Variants in LHFPL3 observed in about 807,000 individuals in gnomAD.
LHFPL3 encodes the protein LHFPL tetraspan subfamily member 3 protein.
A neutral mutation model predicts 19.3 loss-of-function variants in LHFPL3; 5 were observed. The ratio of observed to expected loss-of-function variants is 0.26; its 90% confidence interval spans 0.14 to 0.54. The LOEUF (loss-of-function observed/expected upper bound fraction) is 0.54. LHFPL3 is among the 20% of genes least tolerant of loss of function. The pLI, the probability that LHFPL3 is intolerant of heterozygous loss-of-function variation, is 0.94. For missense variants in LHFPL3, 249 were observed against 307.4 expected (o/e 0.81, Z 1.42); for synonymous variants, 133 against 126.2 (o/e 1.05, Z -0.36).
At chr7:104,660,627 G>T (rs1010801847) in intron 1 of LHFPL3, among the ~76,000 whole-genome samples, 6 of 152,154 alleles carry the variant, frequency 3.9e-5, no homozygotes, top group Non-Finnish European at 8.8e-5. Flanking sequence ...ACCTTCTACT[G>T]TGTATAGAGG....
In LHFPL3 at chr7:104,574,776, C is replaced by G. The variant is rs556213725; in HGVS notation, c.446-161899C>G. 2.8e-4 allele frequency among the ~76,000 whole-genome samples: 42 copies of G among 152,008 alleles called. 1 individual carries two copies. In the South Asian group the frequency reaches 8.8e-3, roughly 32 times the overall value. On this transcript the variant is annotated intron_variant, in intron 1 of 2. Coordinates refer to ENST00000424859, the MANE Select transcript of LHFPL3 (RefSeq NM_199000.3). Reference sequence around the variant, plus strand: ...GTATTTGCTTATTTGAGATTTTTCCCCAGTCCCATACACCCTTAGGGTTTT... The same window carrying G: ...GTATTTGCTTATTTGAGATTTTTCCGCAGTCCCATACACCCTTAGGGTTTT...
chr7:104,752,729 T>C (rs1794199041), intron 2 of LHFPL3: 1 of 395,558 alleles, frequency 2.5e-6, no homozygotes, highest in Non-Finnish European at 4.5e-6. Flanking sequence ...AGGCTGACTG[T>C]AGACGTACTC....
rs571597409 is a variant in LHFPL3 at position 104,697,198 on chromosome 7, T to G, written c.446-39477T>G. On this transcript the variant is annotated intron_variant, in intron 1 of 2. Coordinates refer to ENST00000424859, the MANE Select transcript of LHFPL3 (RefSeq NM_199000.3). ...GACCACATCTCTTAATACTATCACA[T>G]TGGGGGTTAAGATTCCAATATATGA... Among the ~76,000 whole-genome samples, 149 of 152,242 alleles carry G rather than the reference T, an allele frequency of 9.8e-4. 3 individuals carry two copies. The South Asian group carries it at 0.03, about 30-fold the overall frequency.
intron 2 of LHFPL3, among the ~76,000 whole-genome samples, chr7:104,856,220 T>C (rs890371974): frequency 1.3e-5 from 2 of 150,376 alleles, no homozygotes; most frequent in African/African-American, 4.9e-5. Flanking sequence ...TGCCCAGATC[T>C]CCTGATTCTG....
intron 2 of LHFPL3, among the ~76,000 whole-genome samples, chr7:104,742,697 C>A (rs931192616): frequency 8.5e-5 from 13 of 152,158 alleles, no homozygotes; most frequent in African/African-American, 2.9e-4. Context: ...ATCTGAGGGT[C>A]TTTCTAGCTA....
intron 1 of LHFPL3, among the ~76,000 whole-genome samples, chr7:104,385,894 A>G (rs1790931727): frequency 7.2e-6 from 1 of 139,592 alleles, no homozygotes; most frequent in African/African-American, 2.6e-5. Context: ...TGGTGGAGAA[A>G]GGGCCTCCAA....
chr7:104,501,242 C>A (rs998569426), intron 1 of LHFPL3, among the ~76,000 whole-genome samples: 2 of 152,170 alleles, frequency 1.3e-5, no homozygotes, highest in African/African-American at 4.8e-5. Flanking sequence ...AGACTCTTTA[C>A]AATGTAATAA....
chr7:104,419,497 A>T (rs535198124), intron 1 of LHFPL3, among the ~76,000 whole-genome samples: 1 of 152,354 alleles, frequency 6.6e-6, no homozygotes, highest in South Asian at 2.1e-4. Flanking sequence ...GAAGGAAATG[A>T]AAGGGAAAAA....
At chr7:104,771,083 T>C (rs1303615150) in intron 2 of LHFPL3, among the ~76,000 whole-genome samples, 1 of 152,156 alleles carries the variant, frequency 6.6e-6, no homozygotes, top group Non-Finnish European at 1.5e-5. Context: ...ACCTCTGTAA[T>C]GAGCCCTTCC....
chr7:104,564,672 T>C (rs956812453), intron 1 of LHFPL3, among the ~76,000 whole-genome samples: 4 of 152,184 alleles, frequency 2.6e-5, no homozygotes, highest in Non-Finnish European at 4.4e-5. Context: ...ACTGAGGCAG[T>C]TGGATGTGAG....
intron 1 of LHFPL3, among the ~76,000 whole-genome samples, chr7:104,481,253 T>A (rs1048425841): frequency 6.6e-6 from 1 of 152,188 alleles, no homozygotes; most frequent in Non-Finnish European, 1.5e-5. Flanking sequence ...GCCTCCGGTC[T>A]CACTCCCGAA....
chr7:104,733,192 T>C (rs1472420869), intron 1 of LHFPL3, among the ~76,000 whole-genome samples: 6 of 152,236 alleles, frequency 3.9e-5, no homozygotes, highest in Non-Finnish European at 7.3e-5. Context: ...GAGAAAAATG[T>C]ATATGCTGTT....
chr7:104,878,719 G>C lies in LHFPL3; in HGVS notation c.683-27468G>C, dbSNP rs1349184336. ...CTAGAAATGACTAAGTTTAGTGAAGGCATGCCGAAAGCTGAGACAGGATAA... is the reference window on the plus strand; with the variant it reads ...CTAGAAATGACTAAGTTTAGTGAAGCCATGCCGAAAGCTGAGACAGGATAA... On this transcript the variant is annotated intron_variant, in intron 2 of 2. Transcript: ENST00000424859. Among the ~76,000 whole-genome samples the C allele has an allele frequency of 5.3e-5, 8 of 152,272 alleles. No homozygotes were observed. The South Asian group carries it at 1.5e-3, about 28-fold the overall frequency.
At chr7:104,446,539 A>G (rs967459413) in intron 1 of LHFPL3, among the ~76,000 whole-genome samples, 2 of 151,832 alleles carry the variant, frequency 1.3e-5, no homozygotes, top group African/African-American at 4.8e-5. Context: ...TGTTTCATAG[A>G]TTTTCTAGTT....
chr7:104,856,218 T>C (rs186240947), intron 2 of LHFPL3, among the ~76,000 whole-genome samples: 177 of 149,988 alleles, frequency 1.2e-3, no homozygotes, highest in African/African-American at 4.0e-3. Context: ...TCTGCCCAGA[T>C]CTCCTGATTC....
chr7:104,430,479 TTTTTTTTG>T (rs1562895430), intron 1 of LHFPL3, among the ~76,000 whole-genome samples: 1 of 58,622 alleles, frequency 1.7e-5, no homozygotes, highest in Non-Finnish European at 3.2e-5. Flanking sequence ...TTTTTTTTTT[TTTTTTTTG>T]AGGCGGAGTC....
intron 1 of LHFPL3, among the ~76,000 whole-genome samples, chr7:104,686,389 C>T (rs184787823): frequency 2.6e-5 from 4 of 152,292 alleles, no homozygotes; most frequent in South Asian, 4.2e-4. Flanking sequence ...TGCATGATTT[C>T]CACACATCAA....
intron 2 of LHFPL3, among the ~76,000 whole-genome samples, chr7:104,828,716 G>C (rs1163526872): frequency 1.3e-5 from 2 of 152,052 alleles, no homozygotes; most frequent in South Asian, 2.1e-4. Context: ...GGCGTAAGTG[G>C]GAAGGTAAGA....
intron 2 of LHFPL3, among the ~76,000 whole-genome samples, chr7:104,902,250 C>T (rs191241489): frequency 5.1e-4 from 77 of 152,030 alleles, no homozygotes; most frequent in Middle Eastern, 6.8e-3. Context: ...GGCATGGTAA[C>T]GCGTGCCTGT....
Sources: gnomAD v4.1 joint callset for allele counts (sites outside exome capture counted in the v4.1 genomes callset) on GRCh38, gnomAD v4.1.1 for gene constraint, MANE v1.5 for transcripts, NCBI Gene and HGNC (gene_info 2026-07-23, HGNC 2026-07-21) for gene names.